The following ZMYM4 variants were observed in gnomAD, a reference collection of about 807,000 sequenced individuals.
The protein encoded by ZMYM4 is zinc finger MYM-type containing 4, also known as zinc finger MYM-type protein 4.
Under a neutral mutation model 183.2 loss-of-function variants are expected in ZMYM4, and 31 were observed. The ratio of observed to expected loss-of-function variants is 0.17; its 90% CI spans 0.13 to 0.23. The LOEUF (loss-of-function observed/expected upper bound fraction) is 0.23. Among genes scored for constraint, ZMYM4 ranks in the 10% least tolerant of loss-of-function variants. The pLI is 1.00. For synonymous variants in ZMYM4, 592 were observed against 631.2 expected, an observed-to-expected ratio of 0.94 and a Z score of 0.93; for missense variants, 1,273 against 1,840.3, an observed-to-expected ratio of 0.69 and a Z score of 5.64.
chr1:35,315,940 T>A (rs546842927), intron 1 of ZMYM4, among the ~76,000 whole-genome samples: 7 of 151,874 alleles, frequency 4.6e-5, no homozygotes, highest in African/African-American at 1.7e-4. Flanking sequence ...AAAAAAAAAA[T>A]TATTATTATT....
At chr1:35,394,883 G>A (rs1026851535) in intron 18 of ZMYM4, among the ~76,000 whole-genome samples, 2 of 150,010 alleles carry the variant, frequency 1.3e-5, no homozygotes, top group Non-Finnish European at 2.9e-5. Context: ...GGAGGCTGAG[G>A]CAGGAGGATC....
At chr1:35,328,454 A>ATTTTT (rs754078160) in intron 2 of ZMYM4, among the ~76,000 whole-genome samples, 53 of 117,072 alleles carry the variant, frequency 4.5e-4, no homozygotes, top group East Asian at 7.5e-4. Context: ...TAATTTTTTA[A>ATTTTT]TTTTTTTTTT....
Position 35,359,009 on chromosome 1 carries a change from C to T in ZMYM4, c.170C>T (p.Pro57Leu), listed in dbSNP as rs1643885299. 9 of 1,613,470 alleles carry T rather than the reference C, an allele frequency of 5.6e-6. No individual in the cohort carries two copies. Among genetic ancestry groups the T allele is most frequent in the African/African-American group, 1.3e-5 (1 of 74,848 alleles). The change falls in exon 3 of 30, where the codon CCG becomes CTG. Residue 57 changes from proline (P) to leucine (L), a missense_variant. By Grantham distance (98) the Pro-to-Leu change is moderately conservative. This residue lies in a region of ZMYM4 where 384 missense variants were observed against 465.6 expected (regional missense o/e 0.82). Coordinates refer to ENST00000314607, the MANE Select transcript of ZMYM4 (RefSeq NM_005095.3). The part of the protein sequence containing the change: ...PTLDSMSYGM[P>L]NQTGSENSLL... ...CTTGACAGCATGTCTTATGGAATGCCGAATCAAACAGGATCTGAAAATTCA... is the reference window on the plus strand; with the variant it reads ...CTTGACAGCATGTCTTATGGAATGCTGAATCAAACAGGATCTGAAAATTCA...
chr1:35,350,992 T>C, intron 2 of ZMYM4: 1 of 834,970 alleles, frequency 1.2e-6, no homozygotes. Flanking sequence ...AAGGTTGGCC[T>C]GACAAATTAT....
intron 7 of ZMYM4, among the ~76,000 whole-genome samples, chr1:35,371,841 A>T (rs768070167): frequency 9.2e-5 from 14 of 152,242 alleles, no homozygotes; most frequent in Non-Finnish European, 1.5e-5. Flanking sequence ...TTTTGAAATG[A>T]CCGACAGGGT....
At chr1:35,410,039 G>A (rs1639818261) in intron 26 of ZMYM4, among the ~76,000 whole-genome samples, 1 of 152,120 alleles carries the variant, frequency 6.6e-6, no homozygotes, top group African/African-American at 2.4e-5. Flanking sequence ...GCTTCAGGAA[G>A]CTTCCAATCA....
intron 7 of ZMYM4, among the ~76,000 whole-genome samples, chr1:35,376,561 G>A (rs1426950485): frequency 1.3e-5 from 2 of 151,362 alleles, no homozygotes; most frequent in Non-Finnish European, 2.9e-5. Flanking sequence ...GTCTCACTTT[G>A]TTGCCAGGCT....
At position 35,372,344 on chromosome 1, in the gene ZMYM4, A is replaced by T. The variant is rs12124748; in HGVS notation, c.1181+1717A>T. Among the ~76,000 whole-genome samples the T allele has an allele frequency of 7.5e-3, 1,144 of 152,344 alleles. 6 individuals carry two copies. The highest frequency in any genetic ancestry group is 0.012 in the Non-Finnish European group (803 of 68,028). On this transcript the variant is annotated intron_variant, in intron 7 of 29. Coordinates refer to ENST00000314607, the MANE Select transcript of ZMYM4 (RefSeq NM_005095.3). The stretch of plus-strand genomic sequence containing the variant: ...TAGATTTTGGCTTATTTCTTTAAAA[A>T]TTTATTTCATTAGAACATAAACCAT...
At chr1:35,374,541 T>C (rs1644292423) in intron 7 of ZMYM4, among the ~76,000 whole-genome samples, 1 of 152,036 alleles carries the variant, frequency 6.6e-6, no homozygotes, top group African/African-American at 2.4e-5. Flanking sequence ...GGCATGCACT[T>C]GTAGTCCCAC....
Position 35,359,292 on chromosome 1 carries a change from A to G in ZMYM4, c.453A>G (p.Ile151Met). ...ATCAGGTTTCTGTCTTTAAATCAAT[A>G]CGGAAAGATTTTAGTCTAGTAAGAG... ...QFDQVSVFKS[I>M]RKDFSLVREN... Residue 151 changes from isoleucine to methionine, a missense_variant, in exon 3 of 30, where the codon ATA becomes ATG. Ile to Met is a conservative substitution (Grantham distance 10). Around this residue, in one of 6 missense-constraint regions of ZMYM4, gnomAD observed 384 missense variants for 465.6 expected, o/e 0.82. Coordinates refer to ENST00000314607, the MANE Select transcript of ZMYM4 (RefSeq NM_005095.3). 3 of 1,609,462 alleles carry G rather than the reference A, an allele frequency of 1.9e-6. No individual in the cohort carries two copies. Among genetic ancestry groups the G allele is most frequent in the Non-Finnish European group, 1.7e-6 (2 of 1,178,774 alleles).
At chr1:35,341,959 G>A (rs1022183576) in intron 2 of ZMYM4, among the ~76,000 whole-genome samples, 1 of 152,058 alleles carries the variant, frequency 6.6e-6, no homozygotes, top group Non-Finnish European at 1.5e-5. Context: ...TCCTGACAGA[G>A]TTTGTGTTAA....
intron 1 of ZMYM4, among the ~76,000 whole-genome samples, chr1:35,278,259 C>T (rs1245510017): frequency 6.6e-6 from 1 of 150,438 alleles, no homozygotes; most frequent in African/African-American, 2.5e-5. Flanking sequence ...AAGATCTAGT[C>T]TGCTCACATA....
At chr1:35,386,920 G>A in intron 11 of ZMYM4, 83 bp from the exon 12 acceptor site, 8 of 1,434,600 alleles carry the variant, frequency 5.6e-6, no homozygotes, top group South Asian at 2.7e-5. Flanking sequence ...TGCCTAGAAC[G>A]GTGCTTGGCA....
intron 1 of ZMYM4, among the ~76,000 whole-genome samples, chr1:35,302,600 T>C (rs541897242): frequency 6.6e-6 from 1 of 151,950 alleles, no homozygotes; most frequent in South Asian, 2.1e-4. Flanking sequence ...TTAGCCAGGA[T>C]GGTCTCGATC....
At chr1:35,393,438 T>G (rs548100323) in intron 17 of ZMYM4, among the ~76,000 whole-genome samples, 157 bp from the exon 18 acceptor site, 21 of 152,238 alleles carry the variant, frequency 1.4e-4, no homozygotes, top group Non-Finnish European at 2.8e-4. Context: ...ATTAATATTT[T>G]AGGAGTATTG....
chr1:35,417,965 G>C (rs911031850), intron 28 of ZMYM4, among the ~76,000 whole-genome samples: 3 of 151,630 alleles, frequency 2.0e-5, no homozygotes, highest in African/African-American at 7.3e-5. Context: ...CGGAGATTTC[G>C]CCGTTGCACT....
chr1:35,367,058 A>G (rs1429228208), intron 5 of ZMYM4, among the ~76,000 whole-genome samples: 1 of 151,746 alleles, frequency 6.6e-6, no homozygotes, highest in African/African-American at 2.4e-5. Context: ...TTTAGATTTG[A>G]TGCAATTCTG....
intron 1 of ZMYM4, among the ~76,000 whole-genome samples, chr1:35,297,287 G>C (rs1313432043): frequency 6.6e-6 from 1 of 151,838 alleles, no homozygotes; most frequent in East Asian, 1.9e-4. Flanking sequence ...TTTTGCATTT[G>C]ATTTTCAGCA....
rs1390865964 is a variant in ZMYM4, at chr1:35,398,462, A to G, written c.3249A>G (p.Glu1083=). 1 of 1,611,996 alleles carries G rather than the reference A, an allele frequency of 6.2e-7. No individual in the cohort carries two copies. The highest frequency in any genetic ancestry group is 8.5e-7 in the Non-Finnish European group (1 of 1,179,168). The part of the protein sequence containing the change: ...HELFLDTKIF[E]KDQGSTYSGD... Reference sequence around the variant, plus strand: ...TCTTTCTAGACACCAAGATATTTGAAAAAGGTTTGTAGTTGAAAATATGTT... The same window carrying G: ...TCTTTCTAGACACCAAGATATTTGAGAAAGGTTTGTAGTTGAAAATATGTT... Residue 1083 remains glutamate, a synonymous_variant, in exon 21 of 30, where the codon GAA becomes GAG. Coordinates refer to ENST00000314607, the MANE Select transcript of ZMYM4 (RefSeq NM_005095.3).
Sources: gnomAD v4.1 joint callset for allele counts (sites outside exome capture counted in the v4.1 genomes callset) on GRCh38, gnomAD v4.1.1 for gene constraint, gnomAD v4.1.1 regional missense constraint, MANE v1.5 for transcripts, NCBI Gene and HGNC (gene_info 2026-07-23, HGNC 2026-07-21) for gene names.